Variants in TMEM132B observed in about 807,000 individuals in gnomAD.
The protein encoded by TMEM132B is transmembrane protein 132B.
TMEM132B carries 18 observed loss-of-function variants against 90.8 expected under a neutral mutation model. The observed-to-expected ratio is 0.20, with a 90% confidence interval of 0.14 to 0.29. TMEM132B has a LOEUF of 0.29. Among genes scored for constraint, TMEM132B ranks in the 10% least tolerant of loss-of-function variants. The pLI is 1.00. For synonymous variants in TMEM132B, 504 were observed against 523.3 expected, an observed-to-expected ratio of 0.96 and a Z score of 0.50; for missense variants, 1,096 against 1,326.8, an observed-to-expected ratio of 0.83 and a Z score of 2.70.
At chr12:125,438,953 A>T (rs1880782955) in intron 3 of TMEM132B, among the ~76,000 whole-genome samples, 1 of 152,102 alleles carries the variant, frequency 6.6e-6, no homozygotes, top group Non-Finnish European at 1.5e-5. Flanking sequence ...TCCATAATTT[A>T]TTTTCCCATT....
chr12:125,493,949 C>A (rs1306886029), intron 3 of TMEM132B, among the ~76,000 whole-genome samples: 1 of 144,616 alleles, frequency 6.9e-6, no homozygotes, highest in Non-Finnish European at 1.5e-5. Flanking sequence ...CCTCCTCCCC[C>A]TCCTCCCTGG....
At position 125,659,852 on chromosome 12, in the gene TMEM132B, A is replaced by G. The variant is rs1887165344; in HGVS notation, c.*5142A>G. ...CCTGCCTCTAAACTATTGGCAGCAA[A>G]AGAGCCAAAAATGTGCTCCCAGGTG... On this transcript the variant is annotated 3_prime_UTR_variant, in exon 9 of 9. Transcript: ENST00000682704. 6.6e-6 allele frequency: 1 copy of G among 152,200 alleles called. No homozygotes were observed. Among genetic ancestry groups the G allele is most frequent in the Non-Finnish European group, 1.5e-5 (1 of 68,034 alleles). 9.4% of individuals were successfully genotyped at this position (152,200 alleles called of 1,614,324 possible).
intron 1 of TMEM132B, among the ~76,000 whole-genome samples, chr12:125,256,222 T>A (rs1403807404): frequency 6.6e-6 from 1 of 152,042 alleles, no homozygotes; most frequent in Non-Finnish European, 1.5e-5. Flanking sequence ...CAGGGAGGTG[T>A]TTGGAAATTG....
intron 3 of TMEM132B, among the ~76,000 whole-genome samples, chr12:125,420,589 C>T (rs1454910309): frequency 6.6e-6 from 1 of 152,184 alleles, no homozygotes; most frequent in Non-Finnish European, 1.5e-5. Context: ...GGAGCGACTG[C>T]CAGGAAGGTC....
At chr12:125,449,345 G>A (rs903632359) in intron 3 of TMEM132B, among the ~76,000 whole-genome samples, 2 of 152,112 alleles carry the variant, frequency 1.3e-5, no homozygotes, top group Non-Finnish European at 1.5e-5. Flanking sequence ...GTCTTTCAAG[G>A]AATTTGCTGA....
At position 125,426,944 on chromosome 12, in the gene TMEM132B, T is replaced by C. The variant is rs1019075636; in HGVS notation, c.1106+11267T>C. On this transcript the variant is annotated intron_variant, in intron 3 of 8. Coordinates refer to ENST00000682704, the MANE Select transcript of TMEM132B (RefSeq NM_001366854.1). ...CACAATGGGTTCCGTATGGAGAGAA[T>C]CTAAAAAGGCTTCTCAGAGGAGGTG... Among the ~76,000 whole-genome samples, 3 of 152,156 alleles carry C rather than the reference T, an allele frequency of 2.0e-5. 1 individual carries two copies. The South Asian group carries it at 6.2e-4, about 32-fold the overall frequency.
chr12:125,199,346 A>G (rs890161495), intron 1 of TMEM132B, among the ~76,000 whole-genome samples: 2 of 152,198 alleles, frequency 1.3e-5, no homozygotes, highest in African/African-American at 4.8e-5. Context: ...TGCGTTGGAT[A>G]TCTTAGCTAC....
intron 1 of TMEM132B, among the ~76,000 whole-genome samples, chr12:125,272,444 C>T (rs1304749784): frequency 2.0e-5 from 3 of 152,106 alleles, no homozygotes; most frequent in Non-Finnish European, 2.9e-5. Context: ...TTCGGTCCAG[C>T]GATTGGCAAG....
chr12:125,492,845 C>T lies in TMEM132B; in HGVS notation c.1107-26594C>T, dbSNP rs929121660. ...CTCCAGGGATAGACACAGCGCCAAC[C>T]AAAGGCTCAGTTCCACCCTCAAGAG... On this transcript the variant is annotated intron_variant, in intron 3 of 8. Coordinates refer to ENST00000682704, the MANE Select transcript of TMEM132B (RefSeq NM_001366854.1). The surrounding 1 kb of genome is among the most constrained non-coding windows in gnomAD (Gnocchi z 5.8). 2.0e-5 allele frequency among the ~76,000 whole-genome samples: 3 copies of T among 152,172 alleles called. No individual in the cohort carries two copies. Among genetic ancestry groups the T allele is most frequent in the East Asian group, 1.9e-4 (1 of 5,188 alleles).
chr12:125,540,035 A>G (rs1883912528), intron 4 of TMEM132B, among the ~76,000 whole-genome samples: 1 of 152,124 alleles, frequency 6.6e-6, no homozygotes, highest in Non-Finnish European at 1.5e-5. Context: ...TCAGTTCACA[A>G]TATTCTCTAA....
chr12:125,503,149 G>A (rs1319961470), intron 3 of TMEM132B, among the ~76,000 whole-genome samples: 5 of 152,206 alleles, frequency 3.3e-5, no homozygotes, highest in Non-Finnish European at 7.3e-5. Context: ...CTCTGCAGGT[G>A]CTGACCTTGC....
intron 1 of TMEM132B, among the ~76,000 whole-genome samples, chr12:125,210,522 C>T (rs1873295693): frequency 6.6e-6 from 1 of 151,914 alleles, no homozygotes. Context: ...AAAGGTTCTC[C>T]CTGTTGTGGT....
intron 3 of TMEM132B, among the ~76,000 whole-genome samples, chr12:125,456,110 C>T (rs2136460322): frequency 6.6e-6 from 1 of 152,268 alleles, no homozygotes; most frequent in South Asian, 2.1e-4. Flanking sequence ...CAGTTTGTGA[C>T]CCTTAGAGTG....
chr12:125,528,802 G>A (rs775654256), intron 4 of TMEM132B, among the ~76,000 whole-genome samples: 7 of 152,172 alleles, frequency 4.6e-5, no homozygotes, highest in Non-Finnish European at 1.0e-4. Context: ...CATGTTATAT[G>A]TGCTATATAT....
At chr12:125,542,289 A>T (rs1004556320) in intron 4 of TMEM132B, among the ~76,000 whole-genome samples, 2 of 152,180 alleles carry the variant, frequency 1.3e-5, no homozygotes, top group African/African-American at 4.8e-5. Context: ...TTGGAGGAAA[A>T]TAATGTCTTT....
chr12:125,344,919 TCCG>T (rs962000475), intron 1 of TMEM132B, among the ~76,000 whole-genome samples: 12 of 152,094 alleles, frequency 7.9e-5, no homozygotes, highest in African/African-American at 2.9e-4. Context: ...TCTAGTCCAT[TCCG>T]CCGCCGCCAG....
chr12:125,497,192 C>A (rs1882584934), intron 3 of TMEM132B, among the ~76,000 whole-genome samples: 1 of 152,208 alleles, frequency 6.6e-6, no homozygotes, highest in South Asian at 2.1e-4. Flanking sequence ...TACGTGGAAG[C>A]ACTTGCCAAG....
intron 4 of TMEM132B, among the ~76,000 whole-genome samples, chr12:125,552,995 C>T (rs1346801911): frequency 6.6e-6 from 1 of 152,244 alleles, no homozygotes; most frequent in Non-Finnish European, 1.5e-5. Flanking sequence ...GTGCAGGTTG[C>T]ACACTGCTCA....
chr12:125,610,653 G>T (rs145109931), intron 5 of TMEM132B, among the ~76,000 whole-genome samples: 1 of 151,742 alleles, frequency 6.6e-6, no homozygotes, highest in East Asian at 1.9e-4. Context: ...ATGTGTGTGT[G>T]TATATATGTT....
Sources: allele counts gnomAD v4.1 joint callset (sites outside exome capture counted in the v4.1 genomes callset), GRCh38; gene constraint gnomAD v4.1.1; non-coding constraint Gnocchi (gnomAD v3.1); transcripts MANE v1.5; gene names NCBI Gene and HGNC (gene_info 2026-07-23, HGNC 2026-07-21).